Variants in LAMA2 observed in about 807,000 individuals in gnomAD.
LAMA2 encodes laminin subunit alpha-2.
Under a neutral mutation model 364.8 loss-of-function variants are expected in LAMA2, and 269 were observed. The ratio of observed to expected loss-of-function variants is 0.74; its 90% CI spans 0.67 to 0.82. The LOEUF (loss-of-function observed/expected upper bound fraction) is 0.82, where lower values mean the gene tolerates loss of function less well. LAMA2 is among the 40% of genes least tolerant of loss of function. The probability of loss-of-function intolerance (pLI) is 0.00; values close to 1 mark genes in which losing one functional copy is unlikely to be tolerated. For missense variants in LAMA2, 3,807 were observed against 3,873.2 expected, an observed-to-expected ratio of 0.98 and a Z score of 0.45; for synonymous variants, 1,379 against 1,370.6, an observed-to-expected ratio of 1.01 and a Z score of -0.14.
intron 38 of LAMA2, among the ~76,000 whole-genome samples, chr6:129,401,826 C>G (rs1490104375): frequency 1.5e-5 from 2 of 131,926 alleles, no homozygotes; most frequent in African/African-American, 3.0e-5. Flanking sequence ...AAGTTGGTTT[C>G]TTAAATTTCC....
At chr6:129,366,395 A>G (rs370340829) in intron 33 of LAMA2, 34 bp downstream of exon 33, 3 of 1,611,342 alleles carry the variant, frequency 1.9e-6, no homozygotes, top group Non-Finnish European at 2.5e-6. Context: ...AGGGCCAGGG[A>G]CAAGGTGACA....
chr6:129,379,819 T>C (rs9483023), intron 34 of LAMA2, among the ~76,000 whole-genome samples: 3,356 of 152,204 alleles, frequency 0.022, 125 homozygotes, highest in African/African-American at 0.077. Flanking sequence ...GCCCAGAAAA[T>C]TGCCCAGCCA....
At position 129,454,281 on chromosome 6, in the gene LAMA2, G is replaced by C; in HGVS notation, c.6700G>C (p.Ala2234Pro). The part of the protein sequence containing the change: ...IDDSYWYRIV[A>P]SRTGRNGTIS... ...TGACTCATATTGGTACCGTATCGTAGCATCAAGGTAACCAACTTAATAAAG... is the reference window on the plus strand; with the variant it reads ...TGACTCATATTGGTACCGTATCGTACCATCAAGGTAACCAACTTAATAAAG... Residue 2234 changes from alanine (A) to proline (P), a missense_variant, in exon 47 of 65, where the codon GCA becomes CCA. This residue lies in a region of LAMA2 where 3,333 missense variants were observed against 3,345.7 expected (regional missense o/e 1.00). Transcript: ENST00000421865. 6.2e-7 allele frequency: 1 copy of C among 1,610,828 alleles called. No individual in the cohort carries two copies.
In LAMA2 at chr6:129,316,112, A is replaced by G. The variant is rs1240300041; in HGVS notation, c.3999A>G (p.Leu1333=). The change falls in exon 27 of 65, where the codon CTA becomes CTG. Residue 1333 remains leucine, a synonymous_variant. Transcript: ENST00000421865. ...TVTREDFLDI[L]YDIHYILIKA... ...CCCGAGAAGACTTCTTGGATATACTATATGATATTCATTACATTCTTATCA... is the reference window on the plus strand; with the variant it reads ...CCCGAGAAGACTTCTTGGATATACTGTATGATATTCATTACATTCTTATCA... 8.7e-6 allele frequency: 14 copies of G among 1,606,692 alleles called. No individual in the cohort carries two copies. The highest frequency in any genetic ancestry group is 1.2e-5 in the Non-Finnish European group (14 of 1,173,488).
At chr6:129,179,567 T>G (rs1302815165) in intron 10 of LAMA2, among the ~76,000 whole-genome samples, 7 of 152,162 alleles carry the variant, frequency 4.6e-5, no homozygotes, top group Admixed American at 3.9e-4. Flanking sequence ...AACTCAATAT[T>G]GTACTGAGAA....
At chr6:129,246,695 C>T (rs1158674243) in intron 12 of LAMA2, among the ~76,000 whole-genome samples, 1 of 152,048 alleles carries the variant, frequency 6.6e-6, no homozygotes, top group Admixed American at 6.6e-5. Flanking sequence ...TTGATGAGAA[C>T]CTACTTGGTA....
Position 129,467,357 on chromosome 6 carries a change from G to C in LAMA2, c.7300+2068G>C, listed in dbSNP as rs143094094. On this transcript the variant is annotated intron_variant, in intron 51 of 64. Coordinates refer to ENST00000421865, the MANE Select transcript of LAMA2 (RefSeq NM_000426.4). ...ACAATAGACACTGGGGACTCCAAAA[G>C]GGGGGAGGGAGGAGAAGGGGTGAAG... 8.5e-3 allele frequency among the ~76,000 whole-genome samples: 1,285 copies of C among 151,868 alleles called. 7 individuals carry two copies. Among genetic ancestry groups the C allele is most frequent in the Non-Finnish European group, 0.014 (951 of 67,832 alleles).
At chr6:129,396,126 G>A (rs188839822) in intron 37 of LAMA2, among the ~76,000 whole-genome samples, 11 of 152,216 alleles carry the variant, frequency 7.2e-5, no homozygotes, top group East Asian at 5.8e-4. Context: ...GTTTTTTATC[G>A]GAAAATAGTG....
chr6:128,919,594 A>C (rs1227039429), intron 1 of LAMA2, among the ~76,000 whole-genome samples: 1 of 152,196 alleles, frequency 6.6e-6, no homozygotes, highest in Non-Finnish European at 1.5e-5. Context: ...TCAGGCCACC[A>C]TCATCTCACA....
intron 12 of LAMA2, among the ~76,000 whole-genome samples, chr6:129,234,040 G>C (rs1430864468): frequency 6.6e-6 from 1 of 152,192 alleles, no homozygotes; most frequent in Non-Finnish European, 1.5e-5. Flanking sequence ...GAGCGGCTTT[G>C]CCTGAAGCAA....
intron 1 of LAMA2, among the ~76,000 whole-genome samples, chr6:128,951,332 A>G (rs945613061): frequency 4.6e-5 from 7 of 152,158 alleles, no homozygotes; most frequent in African/African-American, 1.4e-4. Context: ...AGGGCCTGTC[A>G]TAGATAAATC....
intron 14 of LAMA2, 63 bp from the exon 15 acceptor site, chr6:129,260,648 C>T: frequency 1.0e-6 from 1 of 978,394 alleles, no homozygotes; most frequent in Non-Finnish European, 1.7e-6. Flanking sequence ...CTGTACGATT[C>T]CTACAGCTGT....
rs1253207854 is a variant in LAMA2, at chr6:129,473,369, G to A, written c.7439+17G>A. On this transcript the variant is annotated intron_variant, in intron 52 of 64. Coordinates refer to ENST00000421865, the MANE Select transcript of LAMA2 (RefSeq NM_000426.4). The stretch of plus-strand genomic sequence containing the variant: ...AAACTTGAGGTAATTTAGTTTATAT[G>A]TAAAGCTAAGGATTAAGTTTTAATT... 6.2e-7 allele frequency: 1 copy of A among 1,608,728 alleles called. No individual in the cohort carries two copies. Among genetic ancestry groups the A allele is most frequent in the Non-Finnish European group, 8.5e-7 (1 of 1,175,984 alleles).
intron 1 of LAMA2, among the ~76,000 whole-genome samples, chr6:128,927,356 C>A (rs1779163005): frequency 6.6e-6 from 1 of 152,088 alleles, no homozygotes; most frequent in African/African-American, 2.4e-5. Context: ...ATTTTATATT[C>A]TTTTTTAAAT....
Position 129,512,444 on chromosome 6 carries a change from T to C in LAMA2, c.8939T>C (p.Ile2980Thr). Residue 2980 changes from isoleucine to threonine, a missense_variant, in exon 63 of 65, where the codon ATC becomes ACC. Ile to Thr is a moderately conservative substitution (Grantham distance 89). This residue lies in a region of LAMA2 where 3,333 missense variants were observed against 3,345.7 expected (regional missense o/e 1.00). Coordinates refer to ENST00000421865, the MANE Select transcript of LAMA2 (RefSeq NM_000426.4). The stretch of plus-strand genomic sequence containing the variant: ...ACAACGACTGGAGTTCTTCTGGGGA[T>C]CAGTAGTCAAAAAATGGATGGAATG... ...TTTTTGVLLGISSQKMDGMGI... is the reference protein window; with the variant it reads ...TTTTTGVLLGTSSQKMDGMGI... 6.2e-7 allele frequency: 1 copy of C among 1,613,694 alleles called. No individual in the cohort carries two copies. Among genetic ancestry groups the C allele is most frequent in the Non-Finnish European group, 8.5e-7 (1 of 1,179,686 alleles).
chr6:128,927,631 C>T (rs993017992), intron 1 of LAMA2, among the ~76,000 whole-genome samples: 1 of 152,162 alleles, frequency 6.6e-6, no homozygotes, highest in African/African-American at 2.4e-5. Flanking sequence ...TTATTTTCCT[C>T]CTGTTTCCAA....
chr6:129,334,572 T>A (rs572694223), intron 29 of LAMA2, among the ~76,000 whole-genome samples: 1 of 152,202 alleles, frequency 6.6e-6, no homozygotes, highest in South Asian at 2.1e-4. Context: ...GTAAAAAAAA[T>A]TCATGTCTAG....
At chr6:129,145,142 T>C (rs539428570) in intron 5 of LAMA2, among the ~76,000 whole-genome samples, 101 of 152,136 alleles carry the variant, frequency 6.6e-4, no homozygotes, top group African/African-American at 2.4e-3. Context: ...CATTTAATTC[T>C]AGAATGATCC....
At chr6:129,254,359 T>C (rs752859540) in intron 14 of LAMA2, among the ~76,000 whole-genome samples, 4 of 152,210 alleles carry the variant, frequency 2.6e-5, no homozygotes, top group Admixed American at 2.0e-4. Flanking sequence ...TAAACATAAG[T>C]ATGGCTTTGA....
Sources: gnomAD v4.1 joint callset for allele counts (sites outside exome capture counted in the v4.1 genomes callset) on GRCh38, gnomAD v4.1.1 for gene constraint, gnomAD v4.1.1 regional missense constraint, MANE v1.5 for transcripts, NCBI Gene and HGNC (gene_info 2026-07-23, HGNC 2026-07-21) for gene names.